The following FPGT variants were observed in gnomAD, a reference collection of about 807,000 sequenced individuals.
The protein encoded by FPGT is fucose-1-phosphate guanylyltransferase, also known as GDP-L-fucose diphosphorylase.
FPGT carries 41 observed loss-of-function variants against 45.8 expected under a neutral mutation model. The ratio of observed to expected loss-of-function variants is 0.90; its 90% CI spans 0.70 to 1.16. The LOEUF is 1.16. Among genes scored for constraint, FPGT ranks in the 50% most tolerant of loss-of-function variants. The pLI is 0.00. For synonymous variants in FPGT, 292 were observed against 247.2 expected (o/e 1.18, Z -1.70); for missense variants, 755 against 689.1 (o/e 1.10, Z -1.07).
intron 3 of FPGT, among the ~76,000 whole-genome samples, chr1:74,201,966 C>T (rs1291090675): frequency 6.6e-6 from 1 of 152,106 alleles, no homozygotes; most frequent in East Asian, 1.9e-4. Flanking sequence ...AGACTTTTGC[C>T]AGTACTTTTT....
At chr1:74,199,968 T>C (rs936869212) in intron 2 of FPGT, 137 bp downstream of exon 2, 1 of 1,045,612 alleles carries the variant, frequency 9.6e-7, no homozygotes, top group Non-Finnish European at 1.3e-6. Context: ...TGAACATAAA[T>C]TGACTTTTTT....
rs1652068997 is a variant in FPGT at position 74,204,251 on chromosome 1, T to C, written c.344-140T>C. On this transcript the variant is annotated intron_variant, in intron 3 of 3. Transcript: ENST00000370898. ...TTTGGATTTCATTATTCTTTCCTGA[T>C]TTGCAGTAACAAGTGGCATATATTA... is the stretch of plus-strand genomic sequence containing the variant. The C allele has an allele frequency of 1.2e-5, 6 of 493,990 alleles. No individual in the cohort carries two copies. The East Asian group carries it at 1.9e-4, about 16-fold the overall frequency. 30.6% of individuals were successfully genotyped at this position (493,990 alleles called of 1,614,324 possible).
At chr1:74,198,517 T>G in intron 1 of FPGT, 157 bp downstream of exon 1, 8 of 1,034,452 alleles carry the variant, frequency 7.7e-6, no homozygotes, top group Non-Finnish European at 9.8e-6. Context: ...TTTGAGTTTT[T>G]TATTCTTTTC....
chr1:74,201,294 T>A, intron 2 of FPGT, 24 bp from the exon 3 acceptor site: 1 of 1,588,558 alleles, frequency 6.3e-7, no homozygotes, highest in East Asian at 2.2e-5. Flanking sequence ...AAATAAATTG[T>A]GCTTTTTTAA....
At position 74,206,466 on chromosome 1, in the gene FPGT, A is replaced by AT. The variant is rs1470286770; in HGVS notation, c.*635dup. 3 of 152,152 alleles carry AT rather than the reference A, an allele frequency of 2.0e-5. No individual in the cohort carries two copies. Among genetic ancestry groups the AT allele is most frequent in the Admixed American group, 1.3e-4 (2 of 15,276 alleles). The allele number at this position is 152,152 out of a possible 1,614,324, so 9.4% of individuals were successfully genotyped here. ...ATTATACACTTGAACATGTGTTTGTATATCTTTAAAATTTTCCTTTATGTT... is the reference window on the plus strand; with the variant it reads ...ATTATACACTTGAACATGTGTTTGTATTATCTTTAAAATTTTCCTTTATGTT... On this transcript the variant is annotated 3_prime_UTR_variant, in exon 4 of 4. Transcript: ENST00000370898.
In FPGT at chr1:74,205,888, A is replaced by AT. The variant is rs944231942; in HGVS notation, c.*62dup. On this transcript the variant is annotated 3_prime_UTR_variant, in exon 4 of 4. Transcript: ENST00000370898. ...TTTGAGTAACATTCCAGAGATAGGT[A>AT]TTTTTTGTAGGCTGTTTCACTGAAC... is the stretch of plus-strand genomic sequence containing the variant. 4 of 989,006 alleles carry AT rather than the reference A, an allele frequency of 4.0e-6. No individual in the cohort carries two copies. Among genetic ancestry groups the AT allele is most frequent in the Non-Finnish European group, 3.0e-6 (2 of 660,690 alleles). The allele number at this position is 989,006 out of a possible 1,614,324, so 61.3% of individuals were successfully genotyped here. A position where few individuals can be genotyped will look rare whatever the true frequency, so the allele number is the denominator to read the frequency against.
chr1:74,198,501 A>G lies in FPGT; in HGVS notation c.82+141A>G, dbSNP rs1441529173. 2.5e-6 allele frequency: 3 copies of G among 1,188,534 alleles called. No homozygotes were observed. The African/African-American group carries it at 4.6e-5, about 18-fold the overall frequency. The allele number at this position is 1,188,534 out of a possible 1,614,324, so 73.6% of individuals were successfully genotyped here. A position where few individuals can be genotyped will look rare whatever the true frequency, so the allele number is the denominator to read the frequency against. The stretch of plus-strand genomic sequence containing the variant: ...CGCTCCCCAGGAGTAGCTAGCTAAT[A>G]ATCCTTTTGAGTTTTTTATTCTTTT... On this transcript the variant is annotated intron_variant, in intron 1 of 3. Transcript: ENST00000370898.
Position 74,204,349 on chromosome 1 carries a change from A to G in FPGT, c.344-42A>G, listed in dbSNP as rs770258802. On this transcript the variant is annotated intron_variant, in intron 3 of 3. Coordinates refer to ENST00000370898, the MANE Select transcript of FPGT (RefSeq NM_003838.5). ...CTGGGGTTTTGAAAATTTTATAAAT[A>G]ATACTGCATTTTTAAATGGTTATTT... 4 of 1,428,888 alleles carry G rather than the reference A, an allele frequency of 2.8e-6. No individual in the cohort carries two copies. The African/African-American group carries it at 4.3e-5, about 15-fold the overall frequency. The allele number at this position is 1,428,888 out of a possible 1,614,324, so 88.5% of individuals were successfully genotyped here.
Position 74,208,067 on chromosome 1 carries a change from T to C in FPGT, c.*2235T>C, listed in dbSNP as rs540824221. ...ATACGCAGATATGACCAAGTTCACA[T>C]GTGAGCAAGTAACAACTCCATGACT... On this transcript the variant is annotated 3_prime_UTR_variant, in exon 4 of 4. Transcript: ENST00000370898. Among the ~76,000 whole-genome samples the C allele has an allele frequency of 1.3e-5, 2 of 152,130 alleles. No homozygotes were observed. Among genetic ancestry groups the C allele is most frequent in the East Asian group, 3.9e-4 (2 of 5,170 alleles).
chr1:74,201,447 A>T, intron 3 of FPGT, 37 bp downstream of exon 3: 1 of 1,416,042 alleles, frequency 7.1e-7, no homozygotes, highest in Non-Finnish European at 9.8e-7. Context: ...TTTTCTTTTT[A>T]GTCTTCCACC....
chr1:74,205,371 C>T lies in FPGT; in HGVS notation c.1324C>T (p.Leu442=), dbSNP rs189850358. The T allele has an allele frequency of 1.2e-6, 2 of 1,614,070 alleles. No individual in the cohort carries two copies. The highest frequency in any genetic ancestry group is 1.7e-5 in the Admixed American group (1 of 60,018). ...ENCIISGSYI[L]TKAALPAHSF... Reference sequence around the variant, plus strand: ...CTGCATTATTAGTGGTTCTTACATCCTAACAAAAGCTGCCCTCCCCGCACA... The same window carrying T: ...CTGCATTATTAGTGGTTCTTACATCTTAACAAAAGCTGCCCTCCCCGCACA... Residue 442 remains leucine, a synonymous_variant, in exon 4 of 4, where the codon CTA becomes TTA. Coordinates refer to ENST00000370898, the MANE Select transcript of FPGT (RefSeq NM_003838.5).
chr1:74,201,525 G>T, intron 3 of FPGT, 115 bp downstream of exon 3: 3 of 651,632 alleles, frequency 4.6e-6, no homozygotes, highest in South Asian at 5.4e-5. Flanking sequence ...AATCTTTGAA[G>T]TTATTCTGCT....
chr1:74,204,720 C>T lies in FPGT; in HGVS notation c.673C>T (p.His225Tyr). The stretch of plus-strand genomic sequence containing the variant: ...TAGAGACCTTGAATACAGGTCTTGC[C>T]ATCGTTTCCTTCATAAGCCCAGCAT... ...KHRDLEYRSC[H>Y]RFLHKPSIEK... is the part of the protein sequence containing the mutation. The change falls in exon 4 of 4, where the codon CAT (histidine) becomes TAT (tyrosine). Residue 225 changes from histidine to tyrosine, a missense_variant. Coordinates refer to ENST00000370898, the MANE Select transcript of FPGT (RefSeq NM_003838.5). 1 of 1,613,890 alleles carries T rather than the reference C, an allele frequency of 6.2e-7. No homozygotes were observed. Among genetic ancestry groups the T allele is most frequent in the Non-Finnish European group, 8.5e-7 (1 of 1,179,842 alleles).
In FPGT at chr1:74,205,132, C is replaced by A; in HGVS notation, c.1085C>A (p.Thr362Asn). 1 of 1,613,524 alleles carries A rather than the reference C, an allele frequency of 6.2e-7. No individual in the cohort carries two copies. Among genetic ancestry groups the A allele is most frequent in the Non-Finnish European group, 8.5e-7 (1 of 1,179,474 alleles). ...TCCAAATTTTATCACATTGGAACAACCGAAGAATATTTGTTTTACTTTACC... is the reference window on the plus strand; with the variant it reads ...TCCAAATTTTATCACATTGGAACAAACGAAGAATATTTGTTTTACTTTACC... ...NNSKFYHIGT[T>N]EEYLFYFTSD... Residue 362 changes from threonine to asparagine, a missense_variant, in exon 4 of 4, where the codon ACC (threonine) becomes AAC (asparagine). By Grantham distance (65) the Thr-to-Asn change is moderately conservative (BLOSUM62 0). Coordinates refer to ENST00000370898, the MANE Select transcript of FPGT (RefSeq NM_003838.5).
Position 74,204,963 on chromosome 1 carries a change from C to A in FPGT, c.916C>A (p.Gln306Lys). The A allele has an allele frequency of 6.2e-7, 1 of 1,614,008 alleles. No individual in the cohort carries two copies. The highest frequency in any genetic ancestry group is 1.1e-5 in the South Asian group (1 of 91,084). Residue 306 changes from glutamine to lysine, a missense_variant, in exon 4 of 4, where the codon CAG (glutamine) becomes AAG (lysine). Physicochemically the swap from Gln to Lys is moderately conservative, Grantham distance 53. Transcript: ENST00000370898. ...CEIDAYGDFL[Q>K]ALGPGATVEY... ...AATAGATGCCTATGGTGACTTTCTG[C>A]AGGCTTTGGGACCTGGAGCAACTGT... is the stretch of plus-strand genomic sequence containing the variant.
chr1:74,205,313 C>A lies in FPGT; in HGVS notation c.1266C>A (p.Ser422=), dbSNP rs775362243. The A allele has an allele frequency of 6.2e-7, 1 of 1,614,020 alleles. No homozygotes were observed. The highest frequency in any genetic ancestry group is 1.1e-5 in the South Asian group (1 of 91,060). Residue 422 remains serine (S), a synonymous_variant, in exon 4 of 4, where the codon TCC becomes TCA. Coordinates refer to ENST00000370898, the MANE Select transcript of FPGT (RefSeq NM_003838.5). ...SVAPGSVVEY[S]RLGPDVSVGE... is the part of the protein sequence containing the mutation. ...CACCTGGCTCAGTTGTGGAGTATTC[C>A]AGATTGGGGCCTGATGTTTCAGTTG...
In FPGT at chr1:74,198,331, GA is replaced by G; in HGVS notation, c.57del (p.Lys19AsnfsTer8). ...GTATCGCTGCGAGAAGCCACCCAGC[GA>G]AAATTGCGGAGGTTTTCCGAGCTAA... ...PEVSLREATQ[R>X]KLRRFSELRG... On this transcript the variant is annotated frameshift_variant, in exon 1 of 4. Coordinates refer to ENST00000370898, the MANE Select transcript of FPGT (RefSeq NM_003838.5). LOFTEE classifies it high-confidence loss of function. 1 of 1,614,174 alleles carries G rather than the reference GA, an allele frequency of 6.2e-7. No individual in the cohort carries two copies. The highest frequency in any genetic ancestry group is 8.5e-7 in the Non-Finnish European group (1 of 1,180,036).
At chr1:74,201,296 C>CT (rs778866162) in intron 2 of FPGT, 22 bp from the exon 3 acceptor site, 4 of 1,595,554 alleles carry the variant, frequency 2.5e-6, no homozygotes, top group Admixed American at 1.7e-5. Flanking sequence ...ATAAATTGTG[C>CT]TTTTTTAACT....
In FPGT at chr1:74,204,987, G is replaced by A. The variant is rs1306984616; in HGVS notation, c.940G>A (p.Val314Met). The A allele has an allele frequency of 1.9e-6, 3 of 1,614,080 alleles. No individual in the cohort carries two copies. Among genetic ancestry groups the A allele is most frequent in the South Asian group, 1.1e-5 (1 of 91,088 alleles). Reference protein sequence around the residue: ...FLQALGPGATVEYTRNTSNVI... With the variant: ...FLQALGPGATMEYTRNTSNVI... ...GCAGGCTTTGGGACCTGGAGCAACT[G>A]TGGAGTACACCAGAAACACATCAAA... The change falls in exon 4 of 4, where the codon GTG becomes ATG. Residue 314 changes from valine to methionine, a missense_variant. Transcript: ENST00000370898.
Sources: gnomAD v4.1 joint callset for allele counts (sites outside exome capture counted in the v4.1 genomes callset) on GRCh38, gnomAD v4.1.1 for gene constraint, MANE v1.5 for transcripts, NCBI Gene and HGNC (gene_info 2026-07-23, HGNC 2026-07-21) for gene names.